Variants in C1QTNF7 observed in about 807,000 individuals in gnomAD.
C1QTNF7 encodes C1q and TNF related 7.
In C1QTNF7, 15 loss-of-function variants were observed where a neutral mutation model predicts 19.6. The ratio of observed to expected loss-of-function variants is 0.76; its 90% CI spans 0.51 to 1.18. The LOEUF is 1.18. Ranked by LOEUF, C1QTNF7 falls within the 50% of genes most tolerant of loss-of-function variation. The probability of loss-of-function intolerance (pLI) is 0.00; values close to 1 mark genes in which losing one functional copy is unlikely to be tolerated. For synonymous variants in C1QTNF7, 142 were observed against 137.5 expected, an observed-to-expected ratio of 1.03 and a Z score of -0.23; for missense variants, 324 against 359.7, an observed-to-expected ratio of 0.90 and a Z score of 0.80.
intron 1 of C1QTNF7, among the ~76,000 whole-genome samples, chr4:15,422,497 A>G (rs1263434881): frequency 2.0e-5 from 3 of 152,218 alleles, no homozygotes; most frequent in Non-Finnish European, 4.4e-5. Flanking sequence ...ACATTATTTC[A>G]TCTAATATTA....
rs530086192 is a variant in C1QTNF7, at chr4:15,415,635, A to G, written c.14-20101A>G. ...TTATTTGATGCATATATATATATAT[A>G]TATTAGAGATGGGTTCTCACTATGT... On this transcript the variant is annotated intron_variant, in intron 1 of 2. Coordinates refer to the C1QTNF7 transcript ENST00000295297. 4.6e-5 allele frequency among the ~76,000 whole-genome samples: 7 copies of G among 151,364 alleles called. No homozygotes were observed. The South Asian group carries it at 1.5e-3, about 32-fold the overall frequency.
rs1410516298 is a variant in C1QTNF7, at chr4:15,445,351, G to A, written c.*2552G>A. 6.6e-6 allele frequency: 1 copy of A among 152,210 alleles called. No individual in the cohort carries two copies. The highest frequency in any genetic ancestry group is 1.5e-5 in the Non-Finnish European group (1 of 68,040). 9.4% of individuals were successfully genotyped at this position (152,210 alleles called of 1,614,324 possible). ...AGATTTGCTAGATAAACTGGAAATGGAGAAGTTATTGCAGACAGTCATGAA... is the reference window on the plus strand; with the variant it reads ...AGATTTGCTAGATAAACTGGAAATGAAGAAGTTATTGCAGACAGTCATGAA... On this transcript the variant is annotated 3_prime_UTR_variant, in exon 3 of 3. Transcript: ENST00000444304.
chr4:15,382,426 A>G (rs2108891852), intron 1 of C1QTNF7, among the ~76,000 whole-genome samples: 1 of 152,212 alleles, frequency 6.6e-6, no homozygotes, highest in Non-Finnish European at 1.5e-5. Context: ...AAATTCTAGA[A>G]CACAATTCAA....
intron 1 of C1QTNF7, among the ~76,000 whole-genome samples, chr4:15,387,086 A>T (rs1176775308): frequency 6.6e-6 from 1 of 152,194 alleles, no homozygotes; most frequent in African/African-American, 2.4e-5. Context: ...ATGCTGAGAC[A>T]CTTGAGGTGA....
At chr4:15,359,895 AG>A (rs931042788) in intron 1 of C1QTNF7, among the ~76,000 whole-genome samples, 44 of 152,154 alleles carry the variant, frequency 2.9e-4, no homozygotes, top group African/African-American at 1.1e-3. Context: ...AACACAAGCA[AG>A]CCCCAGTACC....
intron 1 of C1QTNF7, among the ~76,000 whole-genome samples, chr4:15,396,411 G>A (rs1718781795): frequency 6.6e-6 from 1 of 152,084 alleles, no homozygotes; most frequent in African/African-American, 2.4e-5. Flanking sequence ...CTGGAGGTCA[G>A]GCGAAGTAGT....
At chr4:15,404,100 G>A (rs1353344810) in intron 1 of C1QTNF7, among the ~76,000 whole-genome samples, 4 of 149,264 alleles carry the variant, frequency 2.7e-5, no homozygotes, top group Non-Finnish European at 5.9e-5. Context: ...TATTTAAGTA[G>A]TTTCTTTAAC....
chr4:15,374,130 A>T (rs1261577386), intron 1 of C1QTNF7: 2 of 152,216 alleles, frequency 1.3e-5, no homozygotes, highest in East Asian at 3.8e-4. Context: ...CCTACAGTGG[A>T]CACAGCACTG....
intron 1 of C1QTNF7, chr4:15,374,573 G>A: frequency 1.0e-6 from 1 of 985,340 alleles, no homozygotes; most frequent in Non-Finnish European, 1.2e-6. Context: ...GTCCTTGCCC[G>A]CTCCCTCTCT....
chr4:15,378,656 T>C (rs1718033188), intron 1 of C1QTNF7, among the ~76,000 whole-genome samples: 2 of 152,184 alleles, frequency 1.3e-5, no homozygotes. Context: ...TAGGAATTAA[T>C]TGTGAGGCTT....
intron 1 of C1QTNF7, among the ~76,000 whole-genome samples, chr4:15,409,465 G>C (rs576778980): frequency 3.3e-5 from 5 of 152,298 alleles, no homozygotes; most frequent in Admixed American, 6.5e-5. Context: ...GACAAACTGG[G>C]GATGAAAGAT....
chr4:15,357,702 CT>C (rs772395532), intron 1 of C1QTNF7, among the ~76,000 whole-genome samples: 7 of 152,164 alleles, frequency 4.6e-5, no homozygotes, highest in Non-Finnish European at 1.0e-4. Flanking sequence ...AATATTGATT[CT>C]TCCTATCCAT....
At chr4:15,382,346 G>T (rs187932628) in intron 1 of C1QTNF7, among the ~76,000 whole-genome samples, 29 of 151,786 alleles carry the variant, frequency 1.9e-4, no homozygotes, top group African/African-American at 6.3e-4. Context: ...AGAGCCTACA[G>T]ATTTGCATAG....
At chr4:15,377,667 G>A (rs1717989873) in intron 1 of C1QTNF7, among the ~76,000 whole-genome samples, 1 of 152,118 alleles carries the variant, frequency 6.6e-6, no homozygotes, top group South Asian at 2.1e-4. Flanking sequence ...TTAGATGCCT[G>A]GGAAGAGGTC....
intron 1 of C1QTNF7, among the ~76,000 whole-genome samples, chr4:15,408,275 CAAAAAAAAAA>C (rs71179625): frequency 1.3e-5 from 1 of 78,444 alleles, no homozygotes; most frequent in South Asian, 4.8e-4. Context: ...GACTCTGTCT[CAAAAAAAAAA>C]AAAAAAAAAA....
At chr4:15,395,369 T>C (rs1391897180) in intron 1 of C1QTNF7, among the ~76,000 whole-genome samples, 1 of 152,222 alleles carries the variant, frequency 6.6e-6, no homozygotes, top group Middle Eastern at 3.2e-3. Context: ...AAGAGTGCTC[T>C]TGGGCAAGCC....
chr4:15,378,672 T>A (rs1718033897), intron 1 of C1QTNF7, among the ~76,000 whole-genome samples: 1 of 152,220 alleles, frequency 6.6e-6, no homozygotes. Context: ...GGCTTCACAA[T>A]TACTTCCTGT....
intron 1 of C1QTNF7, among the ~76,000 whole-genome samples, chr4:15,431,643 G>A (rs1712313631): frequency 6.6e-6 from 1 of 152,076 alleles, no homozygotes; most frequent in Admixed American, 6.6e-5. Context: ...TCTTTCTTGT[G>A]TAATATTCTC....
intron 1 of C1QTNF7, chr4:15,419,888 C>T (rs1459559613): frequency 6.6e-6 from 1 of 152,134 alleles, no homozygotes; most frequent in African/African-American, 2.4e-5. Flanking sequence ...TAGAATCCCA[C>T]TATATTAGAA....
Sources: gnomAD v4.1 joint callset for allele counts (sites outside exome capture counted in the v4.1 genomes callset) on GRCh38, gnomAD v4.1.1 for gene constraint, MANE v1.5 for transcripts, NCBI Gene and HGNC (gene_info 2026-07-23, HGNC 2026-07-21) for gene names.